Variants in ADAMTS3 observed in about 807,000 individuals in gnomAD.
The protein encoded by ADAMTS3 is A disintegrin and metalloproteinase with thrombospondin motifs 3.
A neutral mutation model predicts 129.0 loss-of-function variants in ADAMTS3; 73 were observed. The ratio of observed to expected loss-of-function variants is 0.57; its 90% CI spans 0.47 to 0.69. The LOEUF (loss-of-function observed/expected upper bound fraction) is 0.69. Among genes scored for constraint, ADAMTS3 ranks in the 30% least tolerant of loss-of-function variants. The pLI, the probability that ADAMTS3 is intolerant of heterozygous loss-of-function variation, is 0.00. For synonymous variants in ADAMTS3, 477 were observed against 510.8 expected (o/e 0.93, Z 0.89); for missense variants, 1,457 against 1,514.5 (o/e 0.96, Z 0.63).
intron 5 of ADAMTS3, among the ~76,000 whole-genome samples, chr4:72,327,209 CAAAT>C (rs1166306900): frequency 6.6e-6 from 1 of 151,924 alleles, no homozygotes; most frequent in Non-Finnish European, 1.5e-5. Context: ...TTTTAACACT[CAAAT>C]AATATAGAGA....
At chr4:72,550,418 T>G (rs941769784) in intron 2 of ADAMTS3, among the ~76,000 whole-genome samples, 22 of 152,198 alleles carry the variant, frequency 1.4e-4, no homozygotes, top group African/African-American at 3.6e-4. Flanking sequence ...TAAAGGCATT[T>G]ACTTGTGCAA....
chr4:72,451,018 A>AGAGAAGAGAAGAGAAGAGAAGAG (rs1560520122), intron 3 of ADAMTS3, among the ~76,000 whole-genome samples: 4 of 150,502 alleles, frequency 2.7e-5, no homozygotes, highest in African/African-American at 4.9e-5. Flanking sequence ...AGAGAAGAGA[A>AGAGAAGAGAAGAGAAGAGAAGAG]ATTTGCAACA....
At chr4:72,451,764 G>A (rs1254500638) in intron 3 of ADAMTS3, among the ~76,000 whole-genome samples, 1 of 151,764 alleles carries the variant, frequency 6.6e-6, no homozygotes, top group African/African-American at 2.4e-5. Flanking sequence ...ATATATAAAT[G>A]AAGCATTATT....
In ADAMTS3 at chr4:72,568,840, T is replaced by C. The variant is rs1722091258; in HGVS notation, c.-78A>G. 1.1e-6 allele frequency: 1 copy of C among 920,072 alleles called. No individual in the cohort carries two copies. Among genetic ancestry groups the C allele is most frequent in the East Asian group, 3.5e-5 (1 of 28,480 alleles). The allele number at this position is 920,072 out of a possible 1,614,324, so 57.0% of individuals were successfully genotyped here. A position where few individuals can be genotyped will look rare whatever the true frequency, so the allele number is the denominator to read the frequency against. ...ACCCACCCCCCCCGCCCAAAATAAG[T>C]TTCTTTAAGAAAAAAAGGAAAAGGG... is the stretch of plus-strand genomic sequence containing the variant. On this transcript the variant is annotated 5_prime_UTR_variant, in exon 1 of 22. Transcript: ENST00000286657.
chr4:72,514,395 G>T (rs904030223), intron 3 of ADAMTS3, among the ~76,000 whole-genome samples: 5 of 152,266 alleles, frequency 3.3e-5, no homozygotes, highest in Non-Finnish European at 4.4e-5. Flanking sequence ...TCTATTGAGG[G>T]TGGGAGTATT....
chr4:72,412,439 G>A (rs1003339940), intron 4 of ADAMTS3, among the ~76,000 whole-genome samples: 1 of 151,906 alleles, frequency 6.6e-6, no homozygotes, highest in Non-Finnish European at 1.5e-5. Flanking sequence ...CAGTTGGAAG[G>A]TATTTGATCT....
chr4:72,312,391 T>C lies in ADAMTS3; in HGVS notation c.1821A>G (p.Lys607=). 6.2e-7 allele frequency: 1 copy of C among 1,613,694 alleles called. No individual in the cohort carries two copies. Among genetic ancestry groups the C allele is most frequent in the East Asian group, 2.2e-5 (1 of 44,832 alleles). ...GCTGTGCTCTGAAGTCCTCAAAGTGTTTTTGGCATTCTTCTGTGTTACAAA... is the reference window on the plus strand; with the variant it reads ...GCTGTGCTCTGAAGTCCTCAAAGTGCTTTTGGCATTCTTCTGTGTTACAAA... ...YQLCNTEECQ[K]HFEDFRAQQC... is the part of the protein sequence containing the mutation. The change falls in exon 13 of 22, where the codon AAA becomes AAG. Residue 607 remains lysine (K), a synonymous_variant. Transcript: ENST00000286657.
chr4:72,478,533 G>A (rs1719314978), intron 3 of ADAMTS3, among the ~76,000 whole-genome samples: 1 of 148,974 alleles, frequency 6.7e-6, no homozygotes, highest in Admixed American at 6.7e-5. Context: ...GGTATTGATG[G>A]GACATATCTC....
chr4:72,344,299 G>C (rs1421322336), intron 4 of ADAMTS3, among the ~76,000 whole-genome samples: 2 of 152,066 alleles, frequency 1.3e-5, no homozygotes, highest in Admixed American at 1.3e-4. Context: ...GGAAATCAAA[G>C]TATAGGATTA....
At chr4:72,486,387 C>T (rs1719592026) in intron 3 of ADAMTS3, among the ~76,000 whole-genome samples, 1 of 152,142 alleles carries the variant, frequency 6.6e-6, no homozygotes, top group African/African-American at 2.4e-5. Context: ...CATATTTCTG[C>T]TCAGTCTTGT....
chr4:72,375,369 CTCTGCCAGGTGCT>C (rs1721110491), intron 4 of ADAMTS3, among the ~76,000 whole-genome samples: 1 of 152,210 alleles, frequency 6.6e-6, no homozygotes, highest in African/African-American at 2.4e-5. Flanking sequence ...GTGCCCAGCA[CTCTGCCAGGTGCT>C]GGAAAGAAAA....
At chr4:72,302,250 T>A (rs1718969614) in intron 17 of ADAMTS3, among the ~76,000 whole-genome samples, 1 of 149,014 alleles carries the variant, frequency 6.7e-6, no homozygotes, top group South Asian at 2.1e-4. Flanking sequence ...ACTTAAAGGG[T>A]AACTTAGATG....
chr4:72,514,089 T>TCC (rs1346299166), intron 3 of ADAMTS3, among the ~76,000 whole-genome samples: 1 of 151,198 alleles, frequency 6.6e-6, no homozygotes, highest in Non-Finnish European at 1.5e-5. Context: ...CCTCTCCTTC[T>TCC]CTCTCTCTCT....
chr4:72,358,335 T>A (rs975678549), intron 4 of ADAMTS3, among the ~76,000 whole-genome samples: 9 of 152,050 alleles, frequency 5.9e-5, no homozygotes, highest in Admixed American at 5.9e-4. Flanking sequence ...GCTACACTTT[T>A]GTGCATATAA....
chr4:72,318,816 T>C (rs1287680000), intron 9 of ADAMTS3, 112 bp from the exon 10 acceptor site: 4 of 1,144,900 alleles, frequency 3.5e-6, no homozygotes, highest in African/African-American at 3.2e-5. Flanking sequence ...TCCCAGATCA[T>C]ACAGCAAATT....
chr4:72,491,393 T>C (rs1719740906), intron 3 of ADAMTS3, among the ~76,000 whole-genome samples: 1 of 151,682 alleles, frequency 6.6e-6, no homozygotes, highest in African/African-American at 2.4e-5. Flanking sequence ...AGAAGAAAAG[T>C]TTTCAGTTTT....
chr4:72,393,392 C>T (rs1245275704), intron 4 of ADAMTS3, among the ~76,000 whole-genome samples: 2 of 152,172 alleles, frequency 1.3e-5, no homozygotes, highest in Non-Finnish European at 1.5e-5. Flanking sequence ...CAGACTAACA[C>T]ATTTCCTCTT....
At position 72,441,948 on chromosome 4, in the gene ADAMTS3, C is replaced by T. The variant is rs1718129662; in HGVS notation, c.505-26977G>A. On this transcript the variant is annotated intron_variant, in intron 3 of 21. Coordinates refer to ENST00000286657, the MANE Select transcript of ADAMTS3 (RefSeq NM_014243.3). ...TCTCAAGGCCTTTCCTTCATGATCACTAGATGACTGCTGCAACTCCAGCCA... is the reference window on the plus strand; with the variant it reads ...TCTCAAGGCCTTTCCTTCATGATCATTAGATGACTGCTGCAACTCCAGCCA... The T allele has an allele frequency of 2.0e-5, 3 of 149,724 alleles. No homozygotes were observed. In the South Asian group the frequency reaches 6.2e-4, roughly 31 times the overall value. The allele number at this position is 149,724 out of a possible 1,614,324, so 9.3% of individuals were successfully genotyped here.
intron 3 of ADAMTS3, among the ~76,000 whole-genome samples, chr4:72,486,558 T>G (rs2110011012): frequency 6.6e-6 from 1 of 152,322 alleles, no homozygotes; most frequent in Non-Finnish European, 1.5e-5. Context: ...TGGATTCTAT[T>G]TTTAGAGTGC....
Sources: gnomAD v4.1 joint callset for allele counts (sites outside exome capture counted in the v4.1 genomes callset) on GRCh38, gnomAD v4.1.1 for gene constraint, MANE v1.5 for transcripts, NCBI Gene and HGNC (gene_info 2026-07-23, HGNC 2026-07-21) for gene names.